The following TTC39C variants were observed in gnomAD, a reference collection of about 807,000 sequenced individuals.
TTC39C encodes the protein tetratricopeptide repeat protein 39C.
Under a neutral mutation model 76.3 loss-of-function variants are expected in TTC39C, and 33 were observed. That is an observed-to-expected ratio of 0.43 (90% confidence interval 0.33 to 0.58). TTC39C has a LOEUF of 0.58. Among genes scored for constraint, TTC39C ranks in the 20% least tolerant of loss-of-function variants. The pLI is 0.04. For missense variants in TTC39C, 595 were observed against 701.4 expected, an observed-to-expected ratio of 0.85 and a Z score of 1.71; for synonymous variants, 254 against 260.6, an observed-to-expected ratio of 0.97 and a Z score of 0.24.
intron 1 of TTC39C, among the ~76,000 whole-genome samples, chr18:24,062,081 C>G (rs557513172): frequency 6.6e-6 from 1 of 152,224 alleles, no homozygotes; most frequent in Admixed American, 6.5e-5. Context: ...GGTTTCCTTG[C>G]GTTGTTGCTA....
chr18:24,001,823 GT>G, intron 1 of TTC39C, among the ~76,000 whole-genome samples: 1 of 57,502 alleles, frequency 1.7e-5, no homozygotes, highest in South Asian at 4.5e-4. Flanking sequence ...CGGTAATTCT[GT>G]TTTTTTTTTT....
intron 1 of TTC39C, among the ~76,000 whole-genome samples, chr18:23,998,813 G>GAGACAGTT (rs537207872): frequency 0.047 from 471 of 10,034 alleles, 2 homozygotes; most frequent in African/African-American, 0.064. Flanking sequence ...TGAAGCTGGT[G>GAGACAGTT]GAGCTCTCTG....
chr18:24,125,440 G>A lies in TTC39C; in HGVS notation c.1310G>A (p.Arg437Gln), dbSNP rs771658546. ...GACTCCTTGCAGGCAGAGCGATTTC[G>A]GAAGCAAACCCCAACCAAAGCGCTC... ...QFSVKKAERF[R>Q]KQTPTKALCV... is the part of the protein sequence containing the mutation. The change falls in exon 10 of 14, where the codon CGG (arginine) becomes CAG (glutamine). Residue 437 changes from arginine to glutamine, a missense_variant. Transcript: ENST00000317571. The A allele has an allele frequency of 1.9e-5, 31 of 1,614,086 alleles. No individual in the cohort carries two copies. Among genetic ancestry groups the A allele is most frequent in the African/African-American group, 5.3e-5 (4 of 75,022 alleles).
chr18:24,101,929 C>T (rs1368367209), intron 6 of TTC39C, among the ~76,000 whole-genome samples: 1 of 152,176 alleles, frequency 6.6e-6, no homozygotes, highest in Admixed American at 6.5e-5. Context: ...TTTTCCCCAT[C>T]ATTTTAAAAG....
chr18:23,997,484 G>A (rs1260531651), intron 1 of TTC39C, among the ~76,000 whole-genome samples: 9 of 148,888 alleles, frequency 6.0e-5, no homozygotes, highest in Admixed American at 2.0e-4. Flanking sequence ...GCCAGGAGGC[G>A]GAGATTGCAG....
At chr18:24,123,018 T>C (rs958188970) in intron 8 of TTC39C, among the ~76,000 whole-genome samples, 1 of 151,098 alleles carries the variant, frequency 6.6e-6, no homozygotes, top group Non-Finnish European at 1.5e-5. Context: ...TTCAAGCACA[T>C]GTGTTTCTTC....
upstream of TTC39C, chr18:24,012,892 AATTT>A (rs2083404890): frequency 7.4e-6 from 1 of 135,824 alleles, no homozygotes; most frequent in East Asian, 2.3e-4. Context: ...CACACGCATA[AATTT>A]ATTTAAAAAC....
At chr18:24,023,034 C>G (rs1031568981) in intron 1 of TTC39C, among the ~76,000 whole-genome samples, 5 of 152,190 alleles carry the variant, frequency 3.3e-5, no homozygotes, top group Non-Finnish European at 7.4e-5. Context: ...GACATCCTCT[C>G]CAGGTGTTCC....
chr18:24,057,070 C>T (rs756139722), intron 1 of TTC39C, among the ~76,000 whole-genome samples: 10 of 147,210 alleles, frequency 6.8e-5, no homozygotes, highest in Non-Finnish European at 1.3e-4. Flanking sequence ...TCTTGTCACT[C>T]AGCTTCAATA....
rs185111365 is a variant in TTC39C at position 24,039,236 on chromosome 18, A to G, written c.167+24198A>G. ...AGAGCCAGGACTTGAAACCAGGGCCATGGGAATTGAGGGAGTGTCAGAGGA... is the reference window on the plus strand; with the variant it reads ...AGAGCCAGGACTTGAAACCAGGGCCGTGGGAATTGAGGGAGTGTCAGAGGA... On this transcript the variant is annotated intron_variant, in intron 1 of 13. Transcript: ENST00000317571. Among the ~76,000 whole-genome samples, 12 of 152,338 alleles carry G rather than the reference A, an allele frequency of 7.9e-5. No homozygotes were observed. In the East Asian group the frequency reaches 1.3e-3, roughly 17 times the overall value.
intron 2 of TTC39C, among the ~76,000 whole-genome samples, 195 bp from the exon 3 acceptor site, chr18:24,065,817 G>A (rs2084158765): frequency 6.6e-6 from 1 of 152,218 alleles, no homozygotes; most frequent in Non-Finnish European, 1.5e-5. Context: ...TCATGATGAT[G>A]TGATAGAGGT....
chr18:24,052,037 C>A (rs541681975), intron 1 of TTC39C, among the ~76,000 whole-genome samples: 3 of 152,178 alleles, frequency 2.0e-5, no homozygotes, highest in Admixed American at 6.5e-5. Flanking sequence ...AAATGCTCTG[C>A]AGAGAATTAA....
At chr18:24,022,772 C>T (rs1237873607) in intron 1 of TTC39C, 2 of 985,208 alleles carry the variant, frequency 2.0e-6, no homozygotes, top group African/African-American at 3.5e-5. Context: ...GTGATGTGGC[C>T]CTGTCTGCTT....
rs1289450814 is a variant in TTC39C, at chr18:24,092,100, A to AT, written c.984+9019_984+9020insT. Among the ~76,000 whole-genome samples the AT allele has an allele frequency of 3.2e-3, 352 of 111,074 alleles. 9 individuals carry two copies. The highest frequency in any genetic ancestry group is 1.0e-2 in the African/African-American group (326 of 32,602). 72.9% of individuals were successfully genotyped at this position (111,074 alleles called of 152,430 possible). A position where few individuals can be genotyped will look rare whatever the true frequency, so the allele number is the denominator to read the frequency against. On this transcript the variant is annotated intron_variant, in intron 6 of 13. Transcript: ENST00000317571. ...AGAGTGAGACTCAGTCTCAAAAAAA[A>AT]AAAAAAAAAAAAAAAAAAAAAAAAA...
rs568777924 is a variant in TTC39C at position 24,069,752 on chromosome 18, G to T, written c.460+481G>T. Among the ~76,000 whole-genome samples, 3 of 152,246 alleles carry T rather than the reference G, an allele frequency of 2.0e-5. No homozygotes were observed. The East Asian group carries it at 5.8e-4, about 29-fold the overall frequency. On this transcript the variant is annotated intron_variant, in intron 4 of 13. Coordinates refer to ENST00000317571, the MANE Select transcript of TTC39C (RefSeq NM_001135993.2). ...TGCATTTTAACAAACTTTAGTGAGG[G>T]ATATAAACTAATTTCTTAATTAGTC...
At chr18:24,057,139 G>A (rs1422710125) in intron 1 of TTC39C, among the ~76,000 whole-genome samples, 1 of 151,554 alleles carries the variant, frequency 6.6e-6, no homozygotes, top group Non-Finnish European at 1.5e-5. Flanking sequence ...TAATCTCTTT[G>A]CCCCAAATTA....
intron 13 of TTC39C, 42 bp downstream of exon 13, chr18:24,131,962 T>A: frequency 6.3e-7 from 1 of 1,577,258 alleles, no homozygotes; most frequent in Non-Finnish European, 8.7e-7. Flanking sequence ...GCCCTTCTTA[T>A]CCCATACACT....
chr18:24,017,234 A>T (rs1450576324), intron 1 of TTC39C, among the ~76,000 whole-genome samples: 2 of 152,132 alleles, frequency 1.3e-5, no homozygotes, highest in Non-Finnish European at 2.9e-5. Context: ...CCCCCTCCCA[A>T]AAGGTGCTTC....
intron 4 of TTC39C, among the ~76,000 whole-genome samples, chr18:24,079,219 C>T (rs1469721709): frequency 6.6e-6 from 1 of 152,026 alleles, no homozygotes; most frequent in Admixed American, 6.6e-5. Context: ...CAGAAAATTC[C>T]CTACAGAAAA....
Sources: gnomAD v4.1 joint callset for allele counts (sites outside exome capture counted in the v4.1 genomes callset) on GRCh38, gnomAD v4.1.1 for gene constraint, MANE v1.5 for transcripts, NCBI Gene and HGNC (gene_info 2026-07-23, HGNC 2026-07-21) for gene names.